PCDH11X: variants seen among roughly 807,000 people sequenced by gnomAD.
PCDH11X encodes the protein protocadherin-11 X-linked.
Under a neutral mutation model 53.3 loss-of-function variants are expected in PCDH11X, and 18 were observed. The ratio of observed to expected loss-of-function variants is 0.34; its 90% confidence interval spans 0.23 to 0.50. PCDH11X has a LOEUF of 0.50. Ranked by LOEUF, PCDH11X falls within the 20% of genes least tolerant of loss-of-function variation. The pLI is 0.98. For missense variants in PCDH11X, 570 were observed against 1,032.4 expected (o/e 0.55, Z 6.14); for synonymous variants, 279 against 393.3 (o/e 0.71, Z 3.44).
intron 7 of PCDH11X, among the ~76,000 whole-genome samples, chrX:92,219,504 C>T (rs1486113931): frequency 1.8e-5 from 2 of 109,814 alleles, no homozygotes; most frequent in Non-Finnish European, 3.8e-5. Flanking sequence ...CGTGAAGGCC[C>T]TCTTCAAGGA....
chrX:92,215,890 G>A lies in PCDH11X; in HGVS notation c.3114+14435G>A, dbSNP rs762284156. Among the ~76,000 whole-genome samples, 141 of 109,701 alleles carry A rather than the reference G, an allele frequency of 1.3e-3. 1 individual carries two copies. Among genetic ancestry groups the A allele is most frequent in the Non-Finnish European group, 1.2e-3 (64 of 52,702 alleles). ...GGAATGATCAGACAGCAGCATTCGCGGTTCACGAAAATCCGTGGTTCTGCA... is the reference window on the plus strand; with the variant it reads ...GGAATGATCAGACAGCAGCATTCGCAGTTCACGAAAATCCGTGGTTCTGCA... On this transcript the variant is annotated intron_variant, in intron 7 of 10. Coordinates refer to ENST00000682573, the MANE Select transcript of PCDH11X (RefSeq NM_032968.5).
At chrX:91,836,580 G>T (rs1433177997) in intron 5 of PCDH11X, among the ~76,000 whole-genome samples, 1 of 110,470 alleles carries the variant, frequency 9.1e-6, no homozygotes, top group East Asian at 2.8e-4. Context: ...TCAAGGTAAG[G>T]CAAGGTCTTT....
intron 10 of PCDH11X, among the ~76,000 whole-genome samples, chrX:92,475,460 G>A (rs750549513): frequency 9.0e-5 from 10 of 111,458 alleles, no homozygotes; most frequent in Non-Finnish European, 1.9e-4. Context: ...TAGAGTGAAA[G>A]TATTTTTTCT....
At chrX:92,175,857 C>T (rs1251946467) in intron 6 of PCDH11X, among the ~76,000 whole-genome samples, 3 of 106,220 alleles carry the variant, frequency 2.8e-5, no homozygotes, top group African/African-American at 1.0e-4. Flanking sequence ...TCACCCACCT[C>T]TGTTATAACT....
At chrX:91,823,155 T>C (rs1190006967) in intron 4 of PCDH11X, among the ~76,000 whole-genome samples, 1 of 110,333 alleles carries the variant, frequency 9.1e-6, no homozygotes, top group Non-Finnish European at 1.9e-5. Context: ...ATTCTGTTGA[T>C]TTGGAGTGGA....
chrX:91,785,932 C>G (rs1251874514), intron 1 of PCDH11X, among the ~76,000 whole-genome samples: 5 of 111,752 alleles, frequency 4.5e-5, no homozygotes, highest in Non-Finnish European at 7.5e-5. Context: ...AAAAGTTTAT[C>G]AGATAGAGAA....
intron 10 of PCDH11X, among the ~76,000 whole-genome samples, chrX:92,494,549 CT>C (rs1463332981): frequency 9.0e-6 from 1 of 111,516 alleles, no homozygotes; most frequent in Non-Finnish European, 1.9e-5. Flanking sequence ...ATTTGATTTT[CT>C]TTTTTTTAAT....
chrX:92,209,269 A>G (rs1387059703), intron 7 of PCDH11X, among the ~76,000 whole-genome samples: 2 of 111,993 alleles, frequency 1.8e-5, no homozygotes, highest in Admixed American at 1.9e-4. Context: ...CTCATCTGAG[A>G]TAAGGCAAGT....
chrX:92,256,165 C>T (rs1028536971), intron 7 of PCDH11X, among the ~76,000 whole-genome samples: 4 of 112,062 alleles, frequency 3.6e-5, no homozygotes, highest in African/African-American at 9.7e-5. Flanking sequence ...GTCGGAAAAG[C>T]GCAGTATTCG....
intron 8 of PCDH11X, among the ~76,000 whole-genome samples, chrX:92,317,064 T>C (rs769318044): frequency 9.0e-6 from 1 of 111,506 alleles, no homozygotes; most frequent in African/African-American, 3.2e-5. Flanking sequence ...TTTGTAAAAC[T>C]GTTCGTTTTT....
chrX:92,087,827 C>A (rs1335449275), intron 6 of PCDH11X, among the ~76,000 whole-genome samples: 5 of 108,525 alleles, frequency 4.6e-5, no homozygotes, highest in African/African-American at 1.3e-4. Context: ...AATATGTACT[C>A]GTAATGGCAA....
intron 6 of PCDH11X, among the ~76,000 whole-genome samples, chrX:92,176,082 A>G (rs919919039): frequency 3.6e-5 from 4 of 110,738 alleles, no homozygotes; most frequent in Non-Finnish European, 3.8e-5. Flanking sequence ...CCACTGCCTC[A>G]TTAGGAGCTT....
At chrX:92,437,437 A>G (rs1026538706) in intron 9 of PCDH11X, among the ~76,000 whole-genome samples, 11 of 111,877 alleles carry the variant, frequency 9.8e-5, no homozygotes, top group African/African-American at 3.6e-4. Context: ...GATACTGATA[A>G]TGAAGGATAA....
chrX:91,807,525 T>G (rs1330267704), intron 1 of PCDH11X, among the ~76,000 whole-genome samples: 39 of 110,288 alleles, frequency 3.5e-4, no homozygotes, highest in Admixed American at 3.4e-3. Flanking sequence ...GTATTTTAAT[T>G]CACCCACCAA....
At chrX:92,554,759 T>C (rs907216241) in intron 10 of PCDH11X, among the ~76,000 whole-genome samples, 3 of 110,469 alleles carry the variant, frequency 2.7e-5, no homozygotes, top group African/African-American at 9.9e-5. Flanking sequence ...ACACCTATTT[T>C]TGTCATTTTC....
intron 6 of PCDH11X, among the ~76,000 whole-genome samples, chrX:92,154,707 C>T (rs1318191080): frequency 1.8e-5 from 2 of 109,861 alleles, no homozygotes; most frequent in Non-Finnish European, 1.9e-5. Flanking sequence ...CAAAATAGCT[C>T]GCCCGGCAGG....
At position 92,485,551 on chromosome X, in the gene PCDH11X, T is replaced by C. The variant is rs184687353; in HGVS notation, c.3367+17229T>C. On this transcript the variant is annotated intron_variant, in intron 10 of 10. Coordinates refer to ENST00000682573, the MANE Select transcript of PCDH11X (RefSeq NM_032968.5). The stretch of plus-strand genomic sequence containing the variant: ...TTACTTGTGATAATAAAGATAATAT[T>C]ATTTTTCTTTAAGATATAGCCTTGC... Among the ~76,000 whole-genome samples, 893 of 111,659 alleles carry C rather than the reference T, an allele frequency of 8.0e-3. 7 individuals are homozygous for C. Among genetic ancestry groups the C allele is most frequent in the African/African-American group, 0.028 (864 of 30,806 alleles).
intron 6 of PCDH11X, among the ~76,000 whole-genome samples, chrX:92,109,238 G>A (rs890236746): frequency 1.8e-5 from 2 of 110,922 alleles, no homozygotes; most frequent in Non-Finnish European, 3.8e-5. Context: ...GGGCGTGGTG[G>A]CAGGCGCCTG....
chrX:92,435,744 G>A (rs1359604038), intron 9 of PCDH11X, among the ~76,000 whole-genome samples: 1 of 111,271 alleles, frequency 9.0e-6, no homozygotes, highest in Non-Finnish European at 1.9e-5. Flanking sequence ...AATGTTGAGG[G>A]AGTTCATTAC....
Sources: allele counts gnomAD v4.1 joint callset (sites outside exome capture counted in the v4.1 genomes callset), GRCh38; gene constraint gnomAD v4.1.1; transcripts MANE v1.5; gene names NCBI Gene and HGNC (gene_info 2026-07-23, HGNC 2026-07-21).